SYNGR1: variants seen among roughly 807,000 people sequenced by gnomAD.
SYNGR1 encodes the protein synaptogyrin 1.
Under a neutral mutation model 26.1 loss-of-function variants are expected in SYNGR1, and 14 were observed. The ratio of observed to expected loss-of-function variants is 0.54; its 90% CI spans 0.35 to 0.84. SYNGR1 has a LOEUF of 0.84. SYNGR1 is among the 40% of genes least tolerant of loss of function. SYNGR1 has a pLI of 0.01. For missense variants in SYNGR1, 319 were observed against 332.9 expected (o/e 0.96, Z 0.33); for synonymous variants, 141 against 150.1 (o/e 0.94, Z 0.44).
At chr22:39,381,322 C>T (rs1025801163) in intron 3 of SYNGR1, among the ~76,000 whole-genome samples, 47 of 152,230 alleles carry the variant, frequency 3.1e-4, no homozygotes, top group African/African-American at 1.1e-3. Context: ...GAGATGCTAA[C>T]AGTCCTTTGT....
intron 1 of SYNGR1, among the ~76,000 whole-genome samples, chr22:39,355,453 G>A (rs1383021369): frequency 6.6e-6 from 1 of 152,206 alleles, no homozygotes; most frequent in Non-Finnish European, 1.5e-5. Context: ...GTGGCCGGCC[G>A]CTCCGCCGCT....
chr22:39,377,678 G>A (rs747365106), intron 3 of SYNGR1: 9 of 1,613,710 alleles, frequency 5.6e-6, no homozygotes, highest in Middle Eastern at 1.6e-4. Flanking sequence ...TCCCTGCCTC[G>A]GCACAGCCGT....
chr22:39,358,605 T>G (rs1413698363), intron 1 of SYNGR1, among the ~76,000 whole-genome samples: 1 of 149,666 alleles, frequency 6.7e-6, no homozygotes, highest in East Asian at 2.0e-4. Flanking sequence ...ACCGCGAAGG[T>G]CTGTAGCTTC....
chr22:39,377,904 A>G (rs908204644), intron 3 of SYNGR1: 14 of 1,415,550 alleles, frequency 9.9e-6, no homozygotes, highest in African/African-American at 1.4e-5. Context: ...GTAAACATTT[A>G]TTGAGCAGCT....
intron 1 of SYNGR1, among the ~76,000 whole-genome samples, chr22:39,358,981 C>T (rs1924323595): frequency 6.6e-6 from 1 of 152,254 alleles, no homozygotes; most frequent in Non-Finnish European, 1.5e-5. Flanking sequence ...CAAACCCAAG[C>T]TGCAATCATG....
At position 39,381,896 on chromosome 22, in the gene SYNGR1, C is replaced by T. The variant is rs2145636212; in HGVS notation, c.684C>T (p.Tyr228=). 6.2e-7 allele frequency: 1 copy of T among 1,612,240 alleles called. No individual in the cohort carries two copies. Among genetic ancestry groups the T allele is most frequent in the Non-Finnish European group, 8.5e-7 (1 of 1,179,620 alleles). The change falls in exon 4 of 4, where the codon TAC becomes TAT. Residue 228 remains tyrosine, a synonymous_variant. Transcript: ENST00000328933. ...ANTFDTEPQG[Y]QSQGY is the part of the protein sequence containing the mutation. ...CCTTCGACACCGAGCCCCAGGGCTA[C>T]CAGTCGCAGGGCTACTGAGCCACAG...
chr22:39,363,500 C>A (rs1937650784), intron 1 of SYNGR1, among the ~76,000 whole-genome samples: 2 of 151,934 alleles, frequency 1.3e-5, no homozygotes, highest in South Asian at 2.1e-4. Context: ...GAGTATGAAC[C>A]CAGGACTGGG....
In SYNGR1 at chr22:39,376,058, G is replaced by A; in HGVS notation, c.344G>A (p.Trp115Ter). ...VLSDIGVSAF[W>*]AFLWFVGFCY... ...CGGTCCTGGGACCCCCCAGCCTTCT[G>A]GGCTTTCCTCTGGTTCGTGGGATTC... Residue 115 changes from tryptophan to a stop codon, truncating the protein, a stop_gained, in exon 3 of 4, where the codon TGG becomes TAG. Coordinates refer to ENST00000328933, the MANE Select transcript of SYNGR1 (RefSeq NM_004711.5). LOFTEE classifies it high-confidence loss of function. 6.2e-7 allele frequency: 1 copy of A among 1,614,148 alleles called. No homozygotes were observed. The highest frequency in any genetic ancestry group is 8.5e-7 in the Non-Finnish European group (1 of 1,180,034).
At chr22:39,370,482 C>T (rs2145624094) in intron 1 of SYNGR1, among the ~76,000 whole-genome samples, 1 of 152,076 alleles carries the variant, frequency 6.6e-6, no homozygotes, top group East Asian at 1.9e-4. Context: ...TACAATGTTG[C>T]CCACGCTGGT....
In SYNGR1 at chr22:39,374,391, T is replaced by C; in HGVS notation, c.175T>C (p.Cys59Arg). 1 of 1,614,072 alleles carries C rather than the reference T, an allele frequency of 6.2e-7. No individual in the cohort carries two copies. The highest frequency in any genetic ancestry group is 2.2e-5 in the East Asian group (1 of 44,880). ...LNSASEGEEF[C>R]IYNRNPNACS... ...CAGCGCCTCCGAGGGGGAGGAGTTC[T>C]GCATCTACAACCGCAACCCCAACGC... The change falls in exon 2 of 4, where the codon TGC becomes CGC. Residue 59 changes from cysteine (C) to arginine (R), a missense_variant. Cys to Arg is a radical substitution (Grantham distance 180, BLOSUM62 -3). Coordinates refer to ENST00000328933, the MANE Select transcript of SYNGR1 (RefSeq NM_004711.5).
At chr22:39,352,570 C>T (rs751197605) in intron 1 of SYNGR1, among the ~76,000 whole-genome samples, 1 of 152,108 alleles carries the variant, frequency 6.6e-6, no homozygotes, top group Non-Finnish European at 1.5e-5. Flanking sequence ...CTGGTCTTTT[C>T]GAAACTGTGT....
intron 1 of SYNGR1, among the ~76,000 whole-genome samples, chr22:39,366,268 C>T (rs1381143209): frequency 3.3e-5 from 5 of 151,600 alleles, no homozygotes; most frequent in African/African-American, 7.3e-5. Flanking sequence ...GGATCACAGG[C>T]GTGAGCCACC....
In SYNGR1 at chr22:39,376,345, G is replaced by A. The variant is rs770800176; in HGVS notation, c.483+148G>A. The A allele has an allele frequency of 2.1e-5, 29 of 1,354,634 alleles. 1 individual carries two copies. The highest frequency in any genetic ancestry group is 4.7e-5 in the East Asian group (2 of 42,294). The allele number at this position is 1,354,634 out of a possible 1,614,324, so 83.9% of individuals were successfully genotyped here. A position where few individuals can be genotyped will look rare whatever the true frequency, so the allele number is the denominator to read the frequency against. The stretch of plus-strand genomic sequence containing the variant: ...CCTCTTCTGCCTGCCTGTCTGCGGC[G>A]CTCACAGTGGTGCTGCCTCCCTCAG... On this transcript the variant is annotated intron_variant, in intron 3 of 3. Coordinates refer to ENST00000328933, the MANE Select transcript of SYNGR1 (RefSeq NM_004711.5).
At chr22:39,369,776 G>A (rs1924934232) in intron 1 of SYNGR1, among the ~76,000 whole-genome samples, 1 of 152,222 alleles carries the variant, frequency 6.6e-6, no homozygotes, top group African/African-American at 2.4e-5. Flanking sequence ...TGTGGGCCCC[G>A]ATGCCCTCAC....
intron 1 of SYNGR1, among the ~76,000 whole-genome samples, chr22:39,373,810 A>G (rs961811066): frequency 2.0e-5 from 3 of 152,134 alleles, no homozygotes; most frequent in Middle Eastern, 3.4e-3. Context: ...TCATCACTCC[A>G]TCTACTTGCC....
intron 1 of SYNGR1, among the ~76,000 whole-genome samples, chr22:39,361,171 T>C (rs1203150536): frequency 6.6e-6 from 1 of 152,172 alleles, no homozygotes; most frequent in Non-Finnish European, 1.5e-5. Context: ...ACAGGGAGCT[T>C]TCCCCTTCTG....
rs371556641 is a variant in SYNGR1, at chr22:39,384,345, C to T, written c.*2431C>T. 1 of 396,418 alleles carries T rather than the reference C, an allele frequency of 2.5e-6. No individual in the cohort carries two copies. The highest frequency in any genetic ancestry group is 4.4e-6 in the Non-Finnish European group (1 of 225,266). The allele number at this position is 396,418 out of a possible 1,614,324, so 24.6% of individuals were successfully genotyped here. A position where few individuals can be genotyped will look rare whatever the true frequency, so the allele number is the denominator to read the frequency against. On this transcript the variant is annotated 3_prime_UTR_variant, in exon 4 of 4. Transcript: ENST00000328933. ...TTTGTGACAGGCCCTGCCTGCCACC[C>T]TAGGCAGGGAAAGCTGTCAAGACTC...
intron 1 of SYNGR1, among the ~76,000 whole-genome samples, chr22:39,362,803 G>A (rs1259812659): frequency 2.0e-5 from 3 of 152,064 alleles, no homozygotes; most frequent in African/African-American, 2.4e-5. Context: ...CGCTCAGGAG[G>A]GGATGATTCT....
chr22:39,360,781 C>T (rs1924435075), intron 1 of SYNGR1, among the ~76,000 whole-genome samples: 1 of 152,086 alleles, frequency 6.6e-6, no homozygotes, highest in South Asian at 2.1e-4. Context: ...GTTGAGTCAG[C>T]GTTGAGAGGG....
Sources: gnomAD v4.1 joint callset for allele counts (sites outside exome capture counted in the v4.1 genomes callset) on GRCh38, gnomAD v4.1.1 for gene constraint, MANE v1.5 for transcripts, NCBI Gene and HGNC (gene_info 2026-07-23, HGNC 2026-07-21) for gene names.